The following OR4A5 variants were observed in gnomAD, a reference collection of about 807,000 sequenced individuals.
The protein encoded by OR4A5 is olfactory receptor 4A5.
For missense variants in OR4A5, 684 were observed against 381.6 expected (o/e 1.79, Z -6.60); for synonymous variants, 245 against 138.5 (o/e 1.77, Z -5.40).
At position 54,707,810 on chromosome 11, in the gene OR4A5, G is replaced by T. The variant is rs1467455199; in HGVS notation, c.926G>T (p.Gly309Val). 10 of 1,517,340 alleles carry T rather than the reference G, an allele frequency of 6.6e-6. No homozygotes were observed. Among genetic ancestry groups the T allele is most frequent in the Non-Finnish European group, 9.0e-6 (10 of 1,110,240 alleles). 94.0% of individuals were successfully genotyped at this position (1,517,340 alleles called of 1,614,324 possible). A position where few individuals can be genotyped will look rare whatever the true frequency, so the allele number is the denominator to read the frequency against. Residue 309 changes from glycine (G) to valine (V), a missense_variant, in exon 1 of 1, where the codon GGA becomes GTA. Gly to Val is a moderately radical substitution (Grantham distance 109, BLOSUM62 -3). Coordinates refer to ENST00000319760, the MANE Select transcript of OR4A5 (RefSeq NM_001005272.3). Reference sequence around the variant, plus strand: ...AAAAAGTTAACTATATTTATTATAGGAGGAGTGTCCGTCCTCATGTAGGTA... The same window carrying T: ...AAAAAGTTAACTATATTTATTATAGTAGGAGTGTCCGTCCTCATGTAGGTA... ...LGKKLTIFIIGGVSVLM is the reference protein window; with the variant it reads ...LGKKLTIFIIVGVSVLM
Position 54,707,501 on chromosome 11 carries a change from T to C in OR4A5, c.617T>C (p.Val206Ala), listed in dbSNP as rs747110828. 18 of 1,613,662 alleles carry C rather than the reference T, an allele frequency of 1.1e-5. No individual in the cohort carries two copies. The South Asian group carries it at 2.0e-4, about 18-fold the overall frequency. The change falls in exon 1 of 1, where the codon GTC becomes GCC. Residue 206 changes from valine (V) to alanine (A), a missense_variant. By Grantham distance (64) the Val-to-Ala change is moderately conservative. Transcript: ENST00000319760. ...GTCAATAGTGGAGCAATCTGTATGG[T>C]CATTTTCAACCTTCTGTTAATCTCC... is the stretch of plus-strand genomic sequence containing the variant. ...VVVNSGAICMVIFNLLLISYG... is the reference protein window; with the variant it reads ...VVVNSGAICMAIFNLLLISYG...
At position 54,706,926 on chromosome 11, in the gene OR4A5, C is replaced by T. The variant is rs777519250; in HGVS notation, c.42C>T (p.Gly14=). 4 of 1,611,924 alleles carry T rather than the reference C, an allele frequency of 2.5e-6. No homozygotes were observed. Among genetic ancestry groups the T allele is most frequent in the Admixed American group, 1.7e-5 (1 of 59,706 alleles). ...NNNITEFVLL[G]FSQDPGVQKA... is the part of the protein sequence containing the mutation. ...ATATTACAGAATTTGTCCTCCTGGG[C>T]TTTTCTCAGGATCCTGGTGTGCAAA... Residue 14 remains glycine (G), a synonymous_variant, in exon 1 of 1, where the codon GGC becomes GGT. Coordinates refer to ENST00000319760, the MANE Select transcript of OR4A5 (RefSeq NM_001005272.3).
At position 54,707,700 on chromosome 11, in the gene OR4A5, T is replaced by A; in HGVS notation, c.816T>A (p.Tyr272Ter). Residue 272 changes from tyrosine to a stop codon, truncating the protein, a stop_gained, in exon 1 of 1, where the codon TAT becomes TAA. Transcript: ENST00000319760. LOFTEE classifies it low-confidence loss of function (END_TRUNC). Reference sequence around the variant, plus strand: ...CTGATAAGTTCATGACTGTGTTTTATACCATTATCACACACATGCTGAGTC... The same window carrying A: ...CTGATAAGTTCATGACTGTGTTTTAAACCATTATCACACACATGCTGAGTC... ...FPTDKFMTVF[Y>*]TIITHMLSPL... The A allele has an allele frequency of 6.2e-7, 1 of 1,606,100 alleles. No homozygotes were observed. The highest frequency in any genetic ancestry group is 8.5e-7 in the Non-Finnish European group (1 of 1,173,270).
At position 54,707,223 on chromosome 11, in the gene OR4A5, G is replaced by A. The variant is rs763067331; in HGVS notation, c.339G>A (p.Leu113=). Residue 113 remains leucine (L), a synonymous_variant, in exon 1 of 1, where the codon CTG becomes CTA. Coordinates refer to ENST00000319760, the MANE Select transcript of OR4A5 (RefSeq NM_001005272.3). ...TTGGTGGGGCTGAGGTCTTCCTTCT[G>A]GTGGTGATGGCCTGTGATCGCTATG... ...HFFGGAEVFL[L]VVMACDRYVA... 5 of 1,613,606 alleles carry A rather than the reference G, an allele frequency of 3.1e-6. No homozygotes were observed. The African/African-American group carries it at 5.3e-5, about 17-fold the overall frequency.
rs988225940 is a variant in OR4A5, at chr11:54,707,429, T to A, written c.545T>A (p.Leu182Gln). 1 of 1,613,576 alleles carries A rather than the reference T, an allele frequency of 6.2e-7. No individual in the cohort carries two copies. ...TTCAGTTGTGACATGCACCCATTACTGGAACTGGCATGCACTGACACCTAC... is the reference window on the plus strand; with the variant it reads ...TTCAGTTGTGACATGCACCCATTACAGGAACTGGCATGCACTGACACCTAC... The part of the protein sequence containing the change: ...VHFSCDMHPL[L>Q]ELACTDTYFI... Residue 182 changes from leucine to glutamine, a missense_variant, in exon 1 of 1, where the codon CTG (leucine) becomes CAG (glutamine). Physicochemically the swap from Leu to Gln is moderately radical, Grantham distance 113. Transcript: ENST00000319760.
rs35083184 is a variant in OR4A5, at chr11:54,707,540, T to G, written c.656T>G (p.Leu219Arg). The G allele has an allele frequency of 1.2e-6, 2 of 1,613,560 alleles. No individual in the cohort carries two copies. Among genetic ancestry groups the G allele is most frequent in the Non-Finnish European group, 1.7e-6 (2 of 1,179,776 alleles). ...CTGTTAATCTCCTATGGAGTCATCC[T>G]AAGCTCCCTTAAAACTTACAGTCAG... ...NLLLISYGVI[L>R]SSLKTYSQEK... The change falls in exon 1 of 1, where the codon CTA (leucine) becomes CGA (arginine). Residue 219 changes from leucine (L) to arginine (R), a missense_variant. Leu to Arg is a moderately radical substitution (Grantham distance 102). Transcript: ENST00000319760.
In OR4A5 at chr11:54,707,607, T is replaced by C. The variant is rs779788474; in HGVS notation, c.723T>C (p.Ser241=). ...CCTTGTCTACCTGCAGCTCCGGCAG[T>C]ACCGTTGTTGTCCTCTTTTTTGTAC... ...GKALSTCSSG[S]TVVVLFFVPC... is the part of the protein sequence containing the mutation. Residue 241 remains serine, a synonymous_variant, in exon 1 of 1, where the codon AGT becomes AGC. Coordinates refer to ENST00000319760, the MANE Select transcript of OR4A5 (RefSeq NM_001005272.3). 2 of 1,612,920 alleles carry C rather than the reference T, an allele frequency of 1.2e-6. No homozygotes were observed. Among genetic ancestry groups the C allele is most frequent in the South Asian group, 1.1e-5 (1 of 90,962 alleles).
At position 54,707,797 on chromosome 11, in the gene OR4A5, A is replaced by G. The variant is rs756612614; in HGVS notation, c.913A>G (p.Ile305Val). ...AAAACTCTTGGGTAAAAAGTTAACT[A>G]TATTTATTATAGGAGGAGTGTCCGT... ...IEKLLGKKLT[I>V]FIIGGVSVLM Residue 305 changes from isoleucine to valine, a missense_variant, in exon 1 of 1, where the codon ATA becomes GTA. Physicochemically the swap from Ile to Val is conservative, Grantham distance 29 (BLOSUM62 3). Coordinates refer to ENST00000319760, the MANE Select transcript of OR4A5 (RefSeq NM_001005272.3). 3 of 1,543,184 alleles carry G rather than the reference A, an allele frequency of 1.9e-6. No homozygotes were observed. The highest frequency in any genetic ancestry group is 2.3e-5 in the East Asian group (1 of 44,196).
Position 54,707,062 on chromosome 11 carries a change from T to A in OR4A5, c.178T>A (p.Phe60Ile). The change falls in exon 1 of 1, where the codon TTC (phenylalanine) becomes ATC (isoleucine). Residue 60 changes from phenylalanine (F) to isoleucine (I), a missense_variant. Coordinates refer to ENST00000319760, the MANE Select transcript of OR4A5 (RefSeq NM_001005272.3). ...SPSLGSPMYF[F>I]LACLSFIDAA... ...TTCCTTGGGTTCCCCAATGTATTTCTTCCTTGCCTGCCTGTCATTTATAGA... is the reference window on the plus strand; with the variant it reads ...TTCCTTGGGTTCCCCAATGTATTTCATCCTTGCCTGCCTGTCATTTATAGA... 6.2e-7 allele frequency: 1 copy of A among 1,613,748 alleles called. No individual in the cohort carries two copies. The highest frequency in any genetic ancestry group is 2.2e-5 in the East Asian group (1 of 44,774).
rs766997583 is a variant in OR4A5 at position 54,707,437 on chromosome 11, G to A, written c.553G>A (p.Ala185Thr). 4 of 1,613,380 alleles carry A rather than the reference G, an allele frequency of 2.5e-6. No individual in the cohort carries two copies. In the East Asian group the frequency reaches 6.7e-5, roughly 27 times the overall value. The change falls in exon 1 of 1, where the codon GCA (alanine) becomes ACA (threonine). Residue 185 changes from alanine (A) to threonine (T), a missense_variant. Coordinates refer to ENST00000319760, the MANE Select transcript of OR4A5 (RefSeq NM_001005272.3). ...SCDMHPLLEL[A>T]CTDTYFIGLT... ...TGACATGCACCCATTACTGGAACTGGCATGCACTGACACCTACTTTATAGG... is the reference window on the plus strand; with the variant it reads ...TGACATGCACCCATTACTGGAACTGACATGCACTGACACCTACTTTATAGG...
At position 54,707,543 on chromosome 11, in the gene OR4A5, G is replaced by C. The variant is rs1252062427; in HGVS notation, c.659G>C (p.Ser220Thr). 3.7e-6 allele frequency: 6 copies of C among 1,613,456 alleles called. No homozygotes were observed. The African/African-American group carries it at 5.3e-5, about 14-fold the overall frequency. Residue 220 changes from serine (S) to threonine (T), a missense_variant, in exon 1 of 1, where the codon AGC becomes ACC. Ser to Thr is a moderately conservative substitution (Grantham distance 58, BLOSUM62 1). Transcript: ENST00000319760. ...TTAATCTCCTATGGAGTCATCCTAA[G>C]CTCCCTTAAAACTTACAGTCAGGAA... ...LLLISYGVIL[S>T]SLKTYSQEKR...
chr11:54,707,820 C>T lies in OR4A5; in HGVS notation c.936C>T (p.Ser312=), dbSNP rs34285763. Residue 312 remains serine, a synonymous_variant, in exon 1 of 1, where the codon TCC becomes TCT. Coordinates refer to ENST00000319760, the MANE Select transcript of OR4A5 (RefSeq NM_001005272.3). ...CTATATTTATTATAGGAGGAGTGTCCGTCCTCATGTAGGTAAGGAGGTATG... is the reference window on the plus strand; with the variant it reads ...CTATATTTATTATAGGAGGAGTGTCTGTCCTCATGTAGGTAAGGAGGTATG... ...KLTIFIIGGV[S]VLM 162,075 of 1,461,138 alleles carry T rather than the reference C, an allele frequency of 0.11. 9,272 individuals are homozygous for T. Among genetic ancestry groups the T allele is most frequent in the Middle Eastern group, 0.15 (834 of 5,554 alleles). 90.5% of individuals were successfully genotyped at this position (1,461,138 alleles called of 1,614,324 possible). A position where few individuals can be genotyped will look rare whatever the true frequency, so the allele number is the denominator to read the frequency against.
Position 54,707,712 on chromosome 11 carries a change from A to C in OR4A5, c.828A>C (p.Thr276=). Residue 276 remains threonine (T), a synonymous_variant, in exon 1 of 1, where the codon ACA becomes ACC. Coordinates refer to ENST00000319760, the MANE Select transcript of OR4A5 (RefSeq NM_001005272.3). ...TGACTGTGTTTTATACCATTATCAC[A>C]CACATGCTGAGTCCTTTAATATATA... ...KFMTVFYTII[T]HMLSPLIYTL... 1 of 1,602,386 alleles carries C rather than the reference A, an allele frequency of 6.2e-7. No homozygotes were observed. The highest frequency in any genetic ancestry group is 2.2e-5 in the East Asian group (1 of 44,618).
Position 54,707,061 on chromosome 11 carries a change from C to T in OR4A5, c.177C>T (p.Phe59=). 1 of 1,613,684 alleles carries T rather than the reference C, an allele frequency of 6.2e-7. No homozygotes were observed. Among genetic ancestry groups the T allele is most frequent in the Non-Finnish European group, 8.5e-7 (1 of 1,179,856 alleles). Residue 59 remains phenylalanine (F), a synonymous_variant, in exon 1 of 1, where the codon TTC becomes TTT. Coordinates refer to ENST00000319760, the MANE Select transcript of OR4A5 (RefSeq NM_001005272.3). ...CTTCCTTGGGTTCCCCAATGTATTT[C>T]TTCCTTGCCTGCCTGTCATTTATAG... ...ASPSLGSPMY[F]FLACLSFIDA... is the part of the protein sequence containing the mutation.
chr11:54,707,529 T>A lies in OR4A5; in HGVS notation c.645T>A (p.Tyr215Ter). The change falls in exon 1 of 1, where the codon TAT becomes TAA. Residue 215 changes from tyrosine to a stop codon, truncating the protein, a stop_gained. Coordinates refer to ENST00000319760, the MANE Select transcript of OR4A5 (RefSeq NM_001005272.3). LOFTEE classifies it low-confidence loss of function (END_TRUNC). ...MVIFNLLLIS[Y>*]GVILSSLKTY... ...TTTTCAACCTTCTGTTAATCTCCTA[T>A]GGAGTCATCCTAAGCTCCCTTAAAA... is the stretch of plus-strand genomic sequence containing the variant. 1 of 1,613,730 alleles carries A rather than the reference T, an allele frequency of 6.2e-7. No homozygotes were observed. Among genetic ancestry groups the A allele is most frequent in the East Asian group, 2.2e-5 (1 of 44,750 alleles).
Position 54,706,903 on chromosome 11 carries a change from A to C in OR4A5, c.19A>C (p.Ile7Leu), listed in dbSNP as rs752000976. 1.2e-6 allele frequency: 2 copies of C among 1,608,272 alleles called. No individual in the cohort carries two copies. The highest frequency in any genetic ancestry group is 2.7e-5 in the African/African-American group (2 of 74,738). The change falls in exon 1 of 1, where the codon ATT becomes CTT. Residue 7 changes from isoleucine (I) to leucine (L), a missense_variant. Transcript: ENST00000319760. ...AGAGTAAATGAGACAGAATAACAAT[A>C]TTACAGAATTTGTCCTCCTGGGCTT... is the stretch of plus-strand genomic sequence containing the variant. Reference protein sequence around the residue: MRQNNNITEFVLLGFSQ... With the variant: MRQNNNLTEFVLLGFSQ...
chr11:54,706,941 T>C lies in OR4A5; in HGVS notation c.57T>C (p.Pro19=). The C allele has an allele frequency of 2.5e-6, 4 of 1,612,870 alleles. No homozygotes were observed. Among genetic ancestry groups the C allele is most frequent in the Non-Finnish European group, 3.4e-6 (4 of 1,179,450 alleles). ...EFVLLGFSQD[P]GVQKALFVMF... is the part of the protein sequence containing the mutation. ...TCCTCCTGGGCTTTTCTCAGGATCC[T>C]GGTGTGCAAAAAGCATTATTTGTCA... The change falls in exon 1 of 1, where the codon CCT becomes CCC. Residue 19 remains proline, a synonymous_variant. Transcript: ENST00000319760.
chr11:54,707,104 A>G lies in OR4A5; in HGVS notation c.220A>G (p.Thr74Ala). Residue 74 changes from threonine to alanine, a missense_variant, in exon 1 of 1, where the codon ACC becomes GCC. Coordinates refer to ENST00000319760, the MANE Select transcript of OR4A5 (RefSeq NM_001005272.3). The part of the protein sequence containing the change: ...LSFIDAAYST[T>A]ISPKLIVGLF... Reference sequence around the variant, plus strand: ...ATTTATAGATGCTGCATATTCCACTACCATTTCTCCCAAGTTAATTGTAGG... The same window carrying G: ...ATTTATAGATGCTGCATATTCCACTGCCATTTCTCCCAAGTTAATTGTAGG... The G allele has an allele frequency of 6.2e-7, 1 of 1,613,664 alleles. No homozygotes were observed. The highest frequency in any genetic ancestry group is 8.5e-7 in the Non-Finnish European group (1 of 1,179,874).
Position 54,707,737 on chromosome 11 carries a change from A to C in OR4A5, c.853A>C (p.Thr285Pro). ...ITHMLSPLIYTLRNSEMRNAI... is the reference protein window; with the variant it reads ...ITHMLSPLIYPLRNSEMRNAI... Reference sequence around the variant, plus strand: ...ACACATGCTGAGTCCTTTAATATATACGTTGAGAAATTCAGAGATGAGAAA... The same window carrying C: ...ACACATGCTGAGTCCTTTAATATATCCGTTGAGAAATTCAGAGATGAGAAA... Residue 285 changes from threonine to proline, a missense_variant, in exon 1 of 1, where the codon ACG (threonine) becomes CCG (proline). Physicochemically the swap from Thr to Pro is conservative, Grantham distance 38. Coordinates refer to ENST00000319760, the MANE Select transcript of OR4A5 (RefSeq NM_001005272.3). 6.3e-7 allele frequency: 1 copy of C among 1,596,906 alleles called. No homozygotes were observed. The highest frequency in any genetic ancestry group is 8.6e-7 in the Non-Finnish European group (1 of 1,166,764).
Sources: gnomAD v4.1 joint callset for allele counts on GRCh38, gnomAD v4.1.1 for gene constraint, MANE v1.5 for transcripts, NCBI Gene and HGNC (gene_info 2026-07-23, HGNC 2026-07-21) for gene names.